The following RIDA variants were observed in gnomAD, a reference collection of about 807,000 sequenced individuals.
The protein encoded by RIDA is reactive intermediate imine deaminase A.
RIDA carries 17 observed loss-of-function variants against 17.8 expected under a neutral mutation model. That is an observed-to-expected ratio of 0.96 (90% confidence interval 0.65 to 1.43). The LOEUF (loss-of-function observed/expected upper bound fraction) is 1.43. Ranked by LOEUF, RIDA falls within the 40% of genes most tolerant of loss-of-function variation. The probability of loss-of-function intolerance (pLI) is 0.00; values close to 1 mark genes in which losing one functional copy is unlikely to be tolerated. For synonymous variants in RIDA, 48 were observed against 55.7 expected (o/e 0.86, Z 0.62); for missense variants, 158 against 161.7 (o/e 0.98, Z 0.12).
At chr8:98,104,696 T>C (rs1815609274) in intron 4 of RIDA, 152 bp from the exon 5 acceptor site, 2 of 613,778 alleles carry the variant, frequency 3.3e-6, no homozygotes, top group South Asian at 2.0e-5. Context: ...AGTCAGTTCT[T>C]AGATATAAGC....
intron 1 of RIDA, among the ~76,000 whole-genome samples, chr8:98,110,302 A>T (rs565876215): frequency 6.6e-6 from 1 of 152,292 alleles, no homozygotes; most frequent in East Asian, 1.9e-4. Flanking sequence ...TCACTCTGTC[A>T]CCCAGGCTGG....
In RIDA at chr8:98,104,526, G is replaced by A; in HGVS notation, c.314C>T (p.Pro105Leu). The A allele has an allele frequency of 6.3e-7, 1 of 1,588,386 alleles. No homozygotes were observed. The highest frequency in any genetic ancestry group is 8.6e-7 in the Non-Finnish European group (1 of 1,157,730). Residue 105 changes from proline (P) to leucine (L), a missense_variant, in exon 5 of 6, where the codon CCT becomes CTT. Coordinates refer to ENST00000254878, the MANE Select transcript of RIDA (RefSeq NM_005836.3). ...IYKQYFKSNFPARAAYQVAAL... is the reference protein window; with the variant it reads ...IYKQYFKSNFLARAAYQVAAL... ...AGCAACTTGGTAAGCAGCTCTAGCA[G>A]GAAAATTACTCTTGAAATCTGAATT... is the stretch of plus-strand genomic sequence containing the variant.
At chr8:98,104,605 G>A in intron 4 of RIDA, 61 bp from the exon 5 acceptor site, 2 of 982,860 alleles carry the variant, frequency 2.0e-6, no homozygotes, top group Admixed American at 2.1e-5. Flanking sequence ...AAGATCAAGT[G>A]AAAATTTTTA....
At chr8:98,105,613 T>C (rs1055641159) in intron 4 of RIDA, among the ~76,000 whole-genome samples, 8 of 152,302 alleles carry the variant, frequency 5.3e-5, no homozygotes, top group South Asian at 2.1e-4. Flanking sequence ...GGCTGCACCA[T>C]ACAGCCACAG....
At chr8:98,106,918 AAAAGCTATT>A (rs1364941611) in intron 2 of RIDA, among the ~76,000 whole-genome samples, 1 of 152,188 alleles carries the variant, frequency 6.6e-6, no homozygotes, top group Admixed American at 6.5e-5. Context: ...AAAAAAACTC[AAAAGCTATT>A]AAAAAAGCAT....
chr8:98,102,618 G>A lies in RIDA; in HGVS notation c.*224C>T, dbSNP rs191370353. ...AATGGGTATCTCTTTCCTATATTCAGTAATACAGGTGCACACAGGTGTAAT... is the reference window on the plus strand; with the variant it reads ...AATGGGTATCTCTTTCCTATATTCAATAATACAGGTGCACACAGGTGTAAT... On this transcript the variant is annotated 3_prime_UTR_variant, in exon 6 of 6. Transcript: ENST00000254878. The A allele has an allele frequency of 5.2e-6, 2 of 387,726 alleles. No homozygotes were observed. Among genetic ancestry groups the A allele is most frequent in the Admixed American group, 4.0e-5 (1 of 24,794 alleles). 24.0% of individuals were successfully genotyped at this position (387,726 alleles called of 1,614,324 possible).
chr8:98,109,582 T>G (rs1749753344), intron 1 of RIDA, among the ~76,000 whole-genome samples: 3 of 152,084 alleles, frequency 2.0e-5, no homozygotes, highest in Non-Finnish European at 4.4e-5. Context: ...TAAACATATA[T>G]TTAACATACA....
chr8:98,104,355 G>A (rs971926259), intron 5 of RIDA, 134 bp downstream of exon 5: 2 of 720,350 alleles, frequency 2.8e-6, no homozygotes, highest in Non-Finnish European at 5.0e-6. Flanking sequence ...TCAAAGCACT[G>A]GGATTACAGG....
Position 98,102,769 on chromosome 8 carries a change from G to A in RIDA, c.*73C>T. On this transcript the variant is annotated 3_prime_UTR_variant, in exon 6 of 6. Transcript: ENST00000254878. ...TGTCATCAATTGTGAAAATTAAAAG[G>A]TTAATTAAGATGTTACATCAATTGT... 3 of 1,009,116 alleles carry A rather than the reference G, an allele frequency of 3.0e-6. No homozygotes were observed. The highest frequency in any genetic ancestry group is 3.4e-5 in the South Asian group (2 of 58,220). The allele number at this position is 1,009,116 out of a possible 1,614,324, so 62.5% of individuals were successfully genotyped here.
At chr8:98,104,687 G>C (rs1815609140) in intron 4 of RIDA, 143 bp from the exon 5 acceptor site, 3 of 623,208 alleles carry the variant, frequency 4.8e-6, no homozygotes, top group Non-Finnish European at 8.4e-6. Context: ...TCATATACTA[G>C]TCAGTTCTTA....
At position 98,104,470 on chromosome 8, in the gene RIDA, T is replaced by C; in HGVS notation, c.351+19A>G. On this transcript the variant is annotated intron_variant, in intron 5 of 5. Transcript: ENST00000254878. ...AGAAACTGAAAACTGTGTACATTAG[T>C]CATTTAAAGTGTACTTACTTTGGGT... 3.5e-6 allele frequency: 5 copies of C among 1,436,152 alleles called. No individual in the cohort carries two copies. Among genetic ancestry groups the C allele is most frequent in the Non-Finnish European group, 4.9e-6 (5 of 1,019,356 alleles). 89.0% of individuals were successfully genotyped at this position (1,436,152 alleles called of 1,614,324 possible).
intron 1 of RIDA, among the ~76,000 whole-genome samples, chr8:98,116,183 C>T (rs74306699): frequency 6.6e-6 from 1 of 152,254 alleles, no homozygotes; most frequent in African/African-American, 2.4e-5. Flanking sequence ...AGGACTACCT[C>T]TCACAAGGAA....
chr8:98,107,103 T>G (rs1815644136), intron 2 of RIDA, among the ~76,000 whole-genome samples: 1 of 152,236 alleles, frequency 6.6e-6, no homozygotes, highest in South Asian at 2.1e-4. Flanking sequence ...GTGCATGTTG[T>G]TCTGCATCTT....
At chr8:98,105,573 T>C (rs1815621787) in intron 4 of RIDA, among the ~76,000 whole-genome samples, 2 of 152,148 alleles carry the variant, frequency 1.3e-5, no homozygotes, top group Non-Finnish European at 1.5e-5. Context: ...AACTAACTAA[T>C]GAGTCTGAGA....
At chr8:98,103,921 A>G (rs1162360988) in intron 5 of RIDA, among the ~76,000 whole-genome samples, 1 of 152,038 alleles carries the variant, frequency 6.6e-6, no homozygotes, top group East Asian at 1.9e-4. Flanking sequence ...TACAGGCGTG[A>G]GCCACCGCGC....
At chr8:98,103,634 T>A (rs960237287) in intron 5 of RIDA, among the ~76,000 whole-genome samples, 2 of 151,936 alleles carry the variant, frequency 1.3e-5, no homozygotes, top group Admixed American at 6.6e-5. Flanking sequence ...TTTTATTTTT[T>A]CTCACAATTT....
At chr8:98,104,684 C>T in intron 4 of RIDA, 140 bp from the exon 5 acceptor site, 1 of 623,870 alleles carries the variant, frequency 1.6e-6, no homozygotes, top group Non-Finnish European at 2.8e-6. Flanking sequence ...ATTTCATATA[C>T]TAGTCAGTTC....
chr8:98,106,364 T>G, intron 2 of RIDA, 38 bp from the exon 3 acceptor site: 1 of 1,542,634 alleles, frequency 6.5e-7, no homozygotes, highest in Non-Finnish European at 8.9e-7. Flanking sequence ...GTCACTGATG[T>G]TAGATTTAAA....
chr8:98,106,161 C>T, intron 3 of RIDA, 111 bp downstream of exon 3: 1 of 1,194,010 alleles, frequency 8.4e-7, no homozygotes, highest in Non-Finnish European at 1.2e-6. Context: ...TTTAAAACAA[C>T]TTTTAAATAG....
Sources: allele counts gnomAD v4.1 joint callset (sites outside exome capture counted in the v4.1 genomes callset), GRCh38; gene constraint gnomAD v4.1.1; transcripts MANE v1.5; gene names NCBI Gene and HGNC (gene_info 2026-07-23, HGNC 2026-07-21).